The following TBCD variants were observed in gnomAD, a reference collection of about 807,000 sequenced individuals.
The protein encoded by TBCD is tubulin folding cofactor D, also known as tubulin-specific chaperone D.
TBCD carries 105 observed loss-of-function variants against 169.3 expected under a neutral mutation model. The observed-to-expected ratio is 0.62, with a 90% CI of 0.53 to 0.73. TBCD has a LOEUF of 0.73. Ranked by LOEUF, TBCD falls within the 30% of genes least tolerant of loss-of-function variation. The pLI, the probability that TBCD is intolerant of heterozygous loss-of-function variation, is 0.00. For missense variants in TBCD, 1,444 were observed against 1,600.1 expected (o/e 0.90, Z 1.66); for synonymous variants, 700 against 643.9 (o/e 1.09, Z -1.32).
intron 13 of TBCD, among the ~76,000 whole-genome samples, chr17:82,850,530 CTGT>C (rs1334212671): frequency 1.1e-5 from 1 of 91,218 alleles, no homozygotes; most frequent in Admixed American, 1.3e-4. Flanking sequence ...GTTGGCTGTG[CTGT>C]TGTTAGCTGT....
chr17:82,817,968 G>C (rs1045348006), intron 13 of TBCD, among the ~76,000 whole-genome samples: 12 of 152,162 alleles, frequency 7.9e-5, no homozygotes, highest in African/African-American at 2.9e-4. Context: ...GTGTGAATGT[G>C]TAGCTGGGAT....
intron 8 of TBCD, among the ~76,000 whole-genome samples, chr17:82,800,228 C>T (rs984822811): frequency 1.3e-5 from 2 of 152,216 alleles, no homozygotes; most frequent in Non-Finnish European, 2.9e-5. Flanking sequence ...GAATGCTGTC[C>T]TCCTGGCCTC....
intron 1 of TBCD, among the ~76,000 whole-genome samples, chr17:82,752,744 C>G (rs545626460): frequency 2.3e-4 from 35 of 152,148 alleles, no homozygotes; most frequent in Admixed American, 1.1e-3. Flanking sequence ...CCAGACCCCT[C>G]CGGACAGCTG....
At chr17:82,848,276 C>A (rs970498137) in intron 13 of TBCD, among the ~76,000 whole-genome samples, 2 of 152,224 alleles carry the variant, frequency 1.3e-5, no homozygotes, top group Non-Finnish European at 2.9e-5. Flanking sequence ...CTTTTGGTTT[C>A]TGTTTAAACA....
At chr17:82,935,994 T>G (rs2062588723) in intron 34 of TBCD, among the ~76,000 whole-genome samples, 1 of 152,222 alleles carries the variant, frequency 6.6e-6, no homozygotes, top group African/African-American at 2.4e-5. Context: ...TGTAGCACAT[T>G]AAAAATATTT....
In TBCD at chr17:82,789,965, C is replaced by A. The variant is rs898276812; in HGVS notation, c.772-7792C>A. Among the ~76,000 whole-genome samples, 6 of 152,224 alleles carry A rather than the reference C, an allele frequency of 3.9e-5. No individual in the cohort carries two copies. The highest frequency in any genetic ancestry group is 7.3e-5 in the Non-Finnish European group (5 of 68,040). Reference sequence around the variant, plus strand: ...GGGCTCATCCCCGAGACGCCGTGTTCCCTCCCGCTGTCCGCTCACACCTGC... The same window carrying A: ...GGGCTCATCCCCGAGACGCCGTGTTACCTCCCGCTGTCCGCTCACACCTGC... On this transcript the variant is annotated intron_variant, in intron 7 of 38. Transcript: ENST00000355528. This position sits in a 1 kb window ranked among gnomAD's most constrained non-coding sequence, Gnocchi z 4.8.
chr17:82,848,637 G>A (rs2055360951), intron 13 of TBCD, among the ~76,000 whole-genome samples: 1 of 152,130 alleles, frequency 6.6e-6, no homozygotes, highest in Non-Finnish European at 1.5e-5. Context: ...ATCGCACAAG[G>A]ACAAGTAAAA....
chr17:82,925,529 G>A (rs960852709), intron 27 of TBCD, among the ~76,000 whole-genome samples: 7 of 152,030 alleles, frequency 4.6e-5, no homozygotes, highest in Admixed American at 6.5e-5. Flanking sequence ...CCAACCTGCC[G>A]GGAACTCCTG....
In TBCD at chr17:82,880,691, C is replaced by G. The variant is rs2058292503; in HGVS notation, c.1476-3454C>G. On this transcript the variant is annotated intron_variant, in intron 14 of 38. Transcript: ENST00000355528. This position sits in a 1 kb window ranked among gnomAD's most constrained non-coding sequence, Gnocchi z 5.0. The stretch of plus-strand genomic sequence containing the variant: ...AGGTATCAGCAGGAACTGCAGGGTC[C>G]CTACCGCAGGCTCCCCACACAGTGA... Among the ~76,000 whole-genome samples, 1 of 152,014 alleles carries G rather than the reference C, an allele frequency of 6.6e-6. No homozygotes were observed. The highest frequency in any genetic ancestry group is 2.1e-4 in the South Asian group (1 of 4,828).
chr17:82,774,500 T>A (rs1598430502), intron 6 of TBCD, among the ~76,000 whole-genome samples: 1 of 152,098 alleles, frequency 6.6e-6, no homozygotes, highest in African/African-American at 2.4e-5. Context: ...TCCCCACATT[T>A]CCCCCTTTTC....
intron 17 of TBCD, among the ~76,000 whole-genome samples, chr17:82,896,739 C>G (rs74669795): frequency 0.074 from 11,328 of 152,220 alleles, 618 homozygotes; most frequent in Non-Finnish European, 0.11. Flanking sequence ...GCTGGCCTTG[C>G]AGGTGTGAGC....
Position 82,884,307 on chromosome 17 carries a change from A to C in TBCD, c.1533+105A>C. On this transcript the variant is annotated intron_variant, in intron 15 of 38. Transcript: ENST00000355528. The surrounding 1 kb of genome is among the most constrained non-coding windows in gnomAD (Gnocchi z 4.2). ...CTGCCTGGCCAGCTCACCCATCCAC[A>C]GCAGGAGCCGCGAGGGAGCTGCTGA... The C allele has an allele frequency of 9.0e-7, 1 of 1,111,144 alleles. No individual in the cohort carries two copies. Among genetic ancestry groups the C allele is most frequent in the Non-Finnish European group, 1.3e-6 (1 of 753,060 alleles). The allele number at this position is 1,111,144 out of a possible 1,614,324, so 68.8% of individuals were successfully genotyped here.
At chr17:82,916,146 A>T (rs2061014526) in intron 23 of TBCD, among the ~76,000 whole-genome samples, 1 of 151,998 alleles carries the variant, frequency 6.6e-6, no homozygotes, top group Admixed American at 6.5e-5. Context: ...TTCTAAGAGG[A>T]CCATTTTCTC....
At position 82,924,983 on chromosome 17, in the gene TBCD, G is replaced by C. The variant is rs2061632292; in HGVS notation, c.2305G>C (p.Glu769Gln). ...QYLAELRNPEEMTRCGFSLAL... is the reference protein window; with the variant it reads ...QYLAELRNPEQMTRCGFSLAL... Reference sequence around the variant, plus strand: ...CCTGGCTGAGCTTCGGAACCCCGAGGAGATGACTCGCTGTGGCTTCTCGTT... The same window carrying C: ...CCTGGCTGAGCTTCGGAACCCCGAGCAGATGACTCGCTGTGGCTTCTCGTT... Residue 769 changes from glutamate (E) to glutamine (Q), a missense_variant, in exon 27 of 39, where the codon GAG becomes CAG. By Grantham distance (29) the Glu-to-Gln change is conservative. Coordinates refer to ENST00000355528, the MANE Select transcript of TBCD (RefSeq NM_005993.5). 1 of 1,575,638 alleles carries C rather than the reference G, an allele frequency of 6.3e-7. No homozygotes were observed. The highest frequency in any genetic ancestry group is 1.2e-5 in the South Asian group (1 of 85,812).
chr17:82,808,008 G>A (rs1025740013), intron 11 of TBCD, among the ~76,000 whole-genome samples: 6 of 152,204 alleles, frequency 3.9e-5, no homozygotes, highest in African/African-American at 1.4e-4. Context: ...CTACAATGAC[G>A]GTGCTCAGGG....
chr17:82,786,952 C>T (rs1052711713), intron 7 of TBCD, among the ~76,000 whole-genome samples: 7 of 15,490 alleles, frequency 4.5e-4, no homozygotes, highest in East Asian at 2.3e-3. Context: ...GGTGGGTGGG[C>T]GGGACGGCTC....
At chr17:82,843,815 A>G (rs936508798) in intron 13 of TBCD, among the ~76,000 whole-genome samples, 16 of 152,156 alleles carry the variant, frequency 1.1e-4, no homozygotes, top group South Asian at 2.1e-4. Flanking sequence ...GTGTTCTCCC[A>G]TTATGGCCCC....
At chr17:82,911,506 C>T (rs1165261302) in intron 22 of TBCD, among the ~76,000 whole-genome samples, 2 of 152,208 alleles carry the variant, frequency 1.3e-5, no homozygotes, top group Non-Finnish European at 2.9e-5. Flanking sequence ...TGATGGGATA[C>T]CAGTCAGGAC....
chr17:82,838,431 G>A (rs1377457857), intron 13 of TBCD, among the ~76,000 whole-genome samples: 3 of 152,140 alleles, frequency 2.0e-5, no homozygotes, highest in Non-Finnish European at 4.4e-5. Flanking sequence ...CTTGTCATGC[G>A]TCCTAACCTG....
Sources: allele counts gnomAD v4.1 joint callset (sites outside exome capture counted in the v4.1 genomes callset), GRCh38; gene constraint gnomAD v4.1.1; non-coding constraint Gnocchi (gnomAD v3.1); transcripts MANE v1.5; gene names NCBI Gene and HGNC (gene_info 2026-07-23, HGNC 2026-07-21).